NANOGNB: variants seen among roughly 807,000 people sequenced by gnomAD.
NANOGNB encodes NANOG neighbor homeobox.
A neutral mutation model predicts 25.0 loss-of-function variants in NANOGNB; 30 were observed. The observed-to-expected ratio is 1.20, with a 90% CI of 0.90 to 1.63. NANOGNB has a LOEUF of 1.63. NANOGNB is among the 40% of genes most tolerant of loss of function. The pLI, the probability that NANOGNB is intolerant of heterozygous loss-of-function variation, is 0.00. For missense variants in NANOGNB, 200 were observed against 188.1 expected, an observed-to-expected ratio of 1.06 and a Z score of -0.37; for synonymous variants, 84 against 62.1, an observed-to-expected ratio of 1.35 and a Z score of -1.66.
At chr12:7,766,071 T>C in intron 1 of NANOGNB, 1 of 398,494 alleles carries the variant, frequency 2.5e-6, no homozygotes, top group Non-Finnish European at 4.4e-6. Flanking sequence ...GCCATTGACT[T>C]GAGGAAGCCC....
intron 1 of NANOGNB, among the ~76,000 whole-genome samples, chr12:7,767,434 C>T (rs1259711870): frequency 1.3e-5 from 2 of 149,220 alleles, no homozygotes; most frequent in Admixed American, 6.7e-5. Flanking sequence ...TGTGGTGGCT[C>T]ACGCCTGTAA....
At chr12:7,767,976 G>A (rs1038067841) in intron 1 of NANOGNB, among the ~76,000 whole-genome samples, 1 of 152,032 alleles carries the variant, frequency 6.6e-6, no homozygotes, top group Admixed American at 6.6e-5. Flanking sequence ...GCCTCCCAAA[G>A]TGCTGGGATT....
chr12:7,771,708 C>T (rs1862569246), intron 3 of NANOGNB, among the ~76,000 whole-genome samples: 1 of 151,906 alleles, frequency 6.6e-6, no homozygotes, highest in South Asian at 2.1e-4. Flanking sequence ...GCAACCTCTA[C>T]CTCCTGGGTT....
Position 7,770,533 on chromosome 12 carries a change from C to A in NANOGNB, c.515+15C>A. 1 of 1,411,218 alleles carries A rather than the reference C, an allele frequency of 7.1e-7. No homozygotes were observed. The highest frequency in any genetic ancestry group is 9.7e-7 in the Non-Finnish European group (1 of 1,033,472). The allele number at this position is 1,411,218 out of a possible 1,614,324, so 87.4% of individuals were successfully genotyped here. A position where few individuals can be genotyped will look rare whatever the true frequency, so the allele number is the denominator to read the frequency against. On this transcript the variant is annotated intron_variant, in intron 3 of 3. Coordinates refer to ENST00000382119, the MANE Select transcript of NANOGNB (RefSeq NM_001145465.1). ...AAACATATGAGGTAAGAAAGTGTTT[C>A]TTGTAAAATAAAAGGAAGTAGAAGG...
chr12:7,772,287 C>T (rs1180289028), intron 3 of NANOGNB, among the ~76,000 whole-genome samples: 2 of 150,796 alleles, frequency 1.3e-5, no homozygotes, highest in African/African-American at 2.4e-5. Context: ...TACATGGGCT[C>T]TTTTTTTTTC....
In NANOGNB at chr12:7,773,773, CTTTTTTT is replaced by C. The variant is rs34408824; in HGVS notation, c.516-13_516-7del. The C allele has an allele frequency of 8.5e-5, 44 of 518,934 alleles. No individual in the cohort carries two copies. Among genetic ancestry groups the C allele is most frequent in the Middle Eastern group, 9.5e-4 (2 of 2,100 alleles). The allele number at this position is 518,934 out of a possible 1,614,324, so 32.1% of individuals were successfully genotyped here. ...AATATATAGACTGTGTTGCGAAACT[CTTTTTTT>C]TTTTTTTTTTTTTAAACAGATGGAG... On this transcript the variant is annotated intron_variant, in intron 3 of 3. Coordinates refer to ENST00000382119, the MANE Select transcript of NANOGNB (RefSeq NM_001145465.1).
chr12:7,768,671 T>A (rs1865264790), intron 1 of NANOGNB, among the ~76,000 whole-genome samples: 1 of 152,120 alleles, frequency 6.6e-6, no homozygotes, highest in Non-Finnish European at 1.5e-5. Context: ...TAGCTGGGAC[T>A]ACAGGCACCC....
rs376201597 is a variant in NANOGNB at position 7,765,431 on chromosome 12, G to A, written c.102+44G>A. 4.7e-3 allele frequency: 1,655 copies of A among 355,260 alleles called. 6 individuals carry two copies. Among genetic ancestry groups the A allele is most frequent in the Non-Finnish European group, 7.2e-3 (1,342 of 185,492 alleles). 22.0% of individuals were successfully genotyped at this position (355,260 alleles called of 1,614,324 possible). A position where few individuals can be genotyped will look rare whatever the true frequency, so the allele number is the denominator to read the frequency against. ...TAAAAATACAAAAAATTAGCTGGGC[G>A]TGGTGGCGGGCGCCTGTAGTCCTAG... On this transcript the variant is annotated intron_variant, in intron 1 of 3. Transcript: ENST00000382119.
intron 1 of NANOGNB, chr12:7,766,102 G>C (rs1381564021): frequency 2.5e-6 from 1 of 398,570 alleles, no homozygotes; most frequent in African/African-American, 2.1e-5. Context: ...TGGTGTTCAG[G>C]AAGTGGGAGA....
intron 3 of NANOGNB, among the ~76,000 whole-genome samples, chr12:7,771,954 G>A (rs924842494): frequency 5.3e-5 from 8 of 152,138 alleles, no homozygotes; most frequent in East Asian, 1.9e-4. Context: ...TGGTGCACCC[G>A]GTTATCAATC....
rs1865234333 is a variant in NANOGNB at position 7,765,246 on chromosome 12, AC to A, written c.-38del. The A allele has an allele frequency of 7.8e-7, 1 of 1,287,992 alleles. No homozygotes were observed. Among genetic ancestry groups the A allele is most frequent in the Non-Finnish European group, 1.0e-6 (1 of 988,036 alleles). 79.8% of individuals were successfully genotyped at this position (1,287,992 alleles called of 1,614,324 possible). A position where few individuals can be genotyped will look rare whatever the true frequency, so the allele number is the denominator to read the frequency against. ...CCTTATCTGGTCGGTCATCTCTGTA[AC>A]CTCCCTACCAAGGACTAATTGGTCT... is the stretch of plus-strand genomic sequence containing the variant. On this transcript the variant is annotated 5_prime_UTR_variant, in exon 1 of 4. Transcript: ENST00000382119.
At chr12:7,769,915 T>A in intron 1 of NANOGNB, 68 bp from the exon 2 acceptor site, 1 of 1,094,772 alleles carries the variant, frequency 9.1e-7, no homozygotes, top group South Asian at 1.7e-5. Context: ...CAGGGAAGAT[T>A]GTTGACTATG....
At chr12:7,769,123 G>T (rs1865270519) in intron 1 of NANOGNB, among the ~76,000 whole-genome samples, 1 of 151,986 alleles carries the variant, frequency 6.6e-6, no homozygotes, top group Admixed American at 6.6e-5. Context: ...TTCCAAGATT[G>T]CGTAAGACAA....
chr12:7,766,943 C>T (rs199786802), intron 1 of NANOGNB, among the ~76,000 whole-genome samples: 3 of 152,124 alleles, frequency 2.0e-5, no homozygotes, highest in Non-Finnish European at 4.4e-5. Context: ...CGGGTTCAAG[C>T]GATTCTCCTG....
At chr12:7,766,398 A>G (rs1259072751) in intron 1 of NANOGNB, among the ~76,000 whole-genome samples, 2 of 152,186 alleles carry the variant, frequency 1.3e-5, no homozygotes, top group Non-Finnish European at 2.9e-5. Context: ...CTTCGAGCCC[A>G]GAAGGCAGAG....
chr12:7,767,583 A>G (rs756627078), intron 1 of NANOGNB, among the ~76,000 whole-genome samples: 25 of 152,196 alleles, frequency 1.6e-4, no homozygotes, highest in Non-Finnish European at 2.9e-4. Flanking sequence ...TTAAAAGAAA[A>G]TGTATACCAA....
At chr12:7,773,771 C>CTTTT (rs753862496) in intron 3 of NANOGNB, 29 bp from the exon 4 acceptor site, 1 of 554,932 alleles carries the variant, frequency 1.8e-6, no homozygotes. Flanking sequence ...TGTTGCGAAA[C>CTTTT]TCTTTTTTTT....
chr12:7,769,571 C>A (rs769871736), intron 1 of NANOGNB, among the ~76,000 whole-genome samples: 3 of 152,192 alleles, frequency 2.0e-5, no homozygotes, highest in African/African-American at 7.2e-5. Flanking sequence ...GATCCACCCA[C>A]CTCGGCCTCC....
At position 7,766,944 on chromosome 12, in the gene NANOGNB, G is replaced by C. The variant is rs1443838722; in HGVS notation, c.102+1557G>C. On this transcript the variant is annotated intron_variant, in intron 1 of 3. Coordinates refer to ENST00000382119, the MANE Select transcript of NANOGNB (RefSeq NM_001145465.1). ...CAATCTTTGCCTCCCGGGTTCAAGC[G>C]ATTCTCCTGCCTCAACTTCTCAAGT... Among the ~76,000 whole-genome samples, 3 of 152,126 alleles carry C rather than the reference G, an allele frequency of 2.0e-5. No individual in the cohort carries two copies. The East Asian group carries it at 5.8e-4, about 29-fold the overall frequency.
Sources: allele counts gnomAD v4.1 joint callset (sites outside exome capture counted in the v4.1 genomes callset), GRCh38; gene constraint gnomAD v4.1.1; transcripts MANE v1.5; gene names NCBI Gene and HGNC (gene_info 2026-07-23, HGNC 2026-07-21).